Variants in LHFPL3 observed in about 807,000 individuals in gnomAD.
LHFPL3 encodes the protein LHFPL tetraspan subfamily member 3, also known as LHFPL tetraspan subfamily member 3 protein.
LHFPL3 carries 5 observed loss-of-function variants against 19.3 expected under a neutral mutation model. The observed-to-expected ratio is 0.26, with a 90% CI of 0.14 to 0.54. The LOEUF (loss-of-function observed/expected upper bound fraction) is 0.54. LHFPL3 is among the 20% of genes least tolerant of loss of function. The pLI is 0.94. For missense variants in LHFPL3, 249 were observed against 307.4 expected (o/e 0.81, Z 1.42); for synonymous variants, 133 against 126.2 (o/e 1.05, Z -0.36).
At chr7:104,340,454 A>C (rs763322589) in intron 1 of LHFPL3, among the ~76,000 whole-genome samples, 2 of 152,154 alleles carry the variant, frequency 1.3e-5, no homozygotes, top group Non-Finnish European at 2.9e-5. Context: ...AAAACACTTA[A>C]AATTGTACCT....
intron 1 of LHFPL3, among the ~76,000 whole-genome samples, chr7:104,541,553 A>G (rs1448940694): frequency 6.6e-6 from 1 of 152,156 alleles, no homozygotes; most frequent in African/African-American, 2.4e-5. Flanking sequence ...GAAGGAAAGG[A>G]AAGCTGTGAA....
chr7:104,732,392 C>T (rs1793721652), intron 1 of LHFPL3, among the ~76,000 whole-genome samples: 1 of 152,188 alleles, frequency 6.6e-6, no homozygotes, highest in Non-Finnish European at 1.5e-5. Context: ...ATTATTGCCT[C>T]AATGACAGAG....
chr7:104,668,775 A>G (rs1201750028), intron 1 of LHFPL3: 1 of 1,527,354 alleles, frequency 6.5e-7, no homozygotes, highest in East Asian at 2.7e-5. Context: ...CCTAAGGAAG[A>G]TGATTCCTCT....
At chr7:104,810,965 T>C (rs576603214) in intron 2 of LHFPL3, among the ~76,000 whole-genome samples, 5 of 152,326 alleles carry the variant, frequency 3.3e-5, no homozygotes, top group Non-Finnish European at 5.9e-5. Context: ...CAGCTCAGGA[T>C]TAATGCTCTG....
chr7:104,507,644 A>C (rs1301931269), intron 1 of LHFPL3, among the ~76,000 whole-genome samples: 112 of 113,114 alleles, frequency 9.9e-4, no homozygotes, highest in African/African-American at 3.5e-3. Flanking sequence ...TGCACAGCAA[A>C]AGAAACTACC....
At chr7:104,667,477 G>C (rs557579506) in intron 1 of LHFPL3, among the ~76,000 whole-genome samples, 1 of 152,268 alleles carries the variant, frequency 6.6e-6, no homozygotes, top group Non-Finnish European at 1.5e-5. Context: ...TCTCCTGGGT[G>C]CTTATGCCTA....
intron 2 of LHFPL3, among the ~76,000 whole-genome samples, chr7:104,776,596 A>G (rs998128783): frequency 2.0e-5 from 3 of 152,152 alleles, no homozygotes; most frequent in African/African-American, 7.2e-5. Flanking sequence ...TGCTTTTCTA[A>G]CACATTCCCA....
chr7:104,631,656 T>C (rs1362762704), intron 1 of LHFPL3, among the ~76,000 whole-genome samples: 1 of 152,214 alleles, frequency 6.6e-6, no homozygotes, highest in Non-Finnish European at 1.5e-5. Context: ...CTGGTTTTTA[T>C]ATGCAGAGCT....
At chr7:104,826,652 A>C (rs562660933) in intron 2 of LHFPL3, 2 of 154,440 alleles carry the variant, frequency 1.3e-5, no homozygotes, top group East Asian at 3.8e-4. Context: ...ATCTGTGTCC[A>C]AGCCACTCAA....
chr7:104,335,011 G>A (rs1789765619), intron 1 of LHFPL3, among the ~76,000 whole-genome samples: 1 of 152,124 alleles, frequency 6.6e-6, no homozygotes, highest in Non-Finnish European at 1.5e-5. Flanking sequence ...CTGGGCATCA[G>A]TGCAGATGTG....
In LHFPL3 at chr7:104,564,860, G is replaced by A. The variant is rs541043630; in HGVS notation, c.446-171815G>A. Among the ~76,000 whole-genome samples, 15 of 152,308 alleles carry A rather than the reference G, an allele frequency of 9.8e-5. No homozygotes were observed. In the East Asian group the frequency reaches 2.9e-3, roughly 29 times the overall value. ...TGCCGGGATTCACATGGGGTTGAGA[G>A]ACTAGGGAGGGGAACACCATCTTCC... On this transcript the variant is annotated intron_variant, in intron 1 of 2. Transcript: ENST00000424859.
intron 2 of LHFPL3, among the ~76,000 whole-genome samples, chr7:104,873,546 C>G (rs984307673): frequency 6.6e-6 from 1 of 151,978 alleles, no homozygotes; most frequent in South Asian, 2.1e-4. Context: ...GAAGATGGCC[C>G]GAGCCCAGGA....
At chr7:104,428,614 C>T (rs1343544170) in intron 1 of LHFPL3, among the ~76,000 whole-genome samples, 1 of 152,130 alleles carries the variant, frequency 6.6e-6, no homozygotes, top group African/African-American at 2.4e-5. Flanking sequence ...AAGCCTAAGT[C>T]GTGGCTTATG....
intron 1 of LHFPL3, among the ~76,000 whole-genome samples, chr7:104,398,142 T>C (rs1791231821): frequency 6.6e-6 from 1 of 152,056 alleles, no homozygotes; most frequent in Non-Finnish European, 1.5e-5. Flanking sequence ...AAAATCTTCC[T>C]CTGAAGGTTT....
chr7:104,363,403 T>C (rs150487967), intron 1 of LHFPL3, among the ~76,000 whole-genome samples: 46 of 152,366 alleles, frequency 3.0e-4, no homozygotes, highest in African/African-American at 1.1e-3. Flanking sequence ...GATAAGTATG[T>C]GATGGGAGAT....
At chr7:104,645,618 G>A (rs554720304) in intron 1 of LHFPL3, among the ~76,000 whole-genome samples, 1 of 149,056 alleles carries the variant, frequency 6.7e-6, no homozygotes, top group East Asian at 2.0e-4. Context: ...TGGAAAGTGA[G>A]GCAACTCTCC....
rs573310870 is a variant in LHFPL3 at position 104,478,791 on chromosome 7, G to A, written c.445+149567G>A. Among the ~76,000 whole-genome samples, 225 of 152,238 alleles carry A rather than the reference G, an allele frequency of 1.5e-3. 2 individuals are homozygous for A. Among genetic ancestry groups the A allele is most frequent in the African/African-American group, 5.2e-3 (215 of 41,532 alleles). On this transcript the variant is annotated intron_variant, in intron 1 of 2. Transcript: ENST00000424859. ...TGCAGACGTAGCTCTCAACTATTAGGTCTTATCTAAAGCACAAATAAAATG... is the reference window on the plus strand; with the variant it reads ...TGCAGACGTAGCTCTCAACTATTAGATCTTATCTAAAGCACAAATAAAATG...
chr7:104,572,518 T>C (rs1790248374), intron 1 of LHFPL3, among the ~76,000 whole-genome samples: 1 of 152,096 alleles, frequency 6.6e-6, no homozygotes, highest in African/African-American at 2.4e-5. Context: ...ATTCAAGCAG[T>C]GGGAACATTC....
intron 2 of LHFPL3, among the ~76,000 whole-genome samples, chr7:104,861,989 C>T (rs571850776): frequency 6.6e-6 from 1 of 152,274 alleles, no homozygotes; most frequent in Admixed American, 6.5e-5. Flanking sequence ...TATAAAAGCA[C>T]TGCAGCTTCT....
Sources: gnomAD v4.1 joint callset for allele counts (sites outside exome capture counted in the v4.1 genomes callset) on GRCh38, gnomAD v4.1.1 for gene constraint, MANE v1.5 for transcripts, NCBI Gene and HGNC (gene_info 2026-07-23, HGNC 2026-07-21) for gene names.